ARNT: variants seen among roughly 807,000 people sequenced by gnomAD.
The protein encoded by ARNT is class E basic helix-loop-helix protein 2.
In ARNT, 30 loss-of-function variants were observed where a neutral mutation model predicts 105.0. The ratio of observed to expected loss-of-function variants is 0.29; its 90% confidence interval spans 0.21 to 0.39. ARNT has a LOEUF of 0.39. Ranked by LOEUF, ARNT falls within the 10% of genes least tolerant of loss-of-function variation. The pLI is 1.00. For synonymous variants in ARNT, 304 were observed against 344.0 expected (o/e 0.88, Z 1.29); for missense variants, 748 against 978.7 (o/e 0.76, Z 3.15).
intron 1 of ARNT, among the ~76,000 whole-genome samples, chr1:150,868,895 C>T (rs1045523053): frequency 2.0e-5 from 3 of 149,770 alleles, no homozygotes; most frequent in African/African-American, 7.4e-5. Context: ...AAGACTCCGT[C>T]TCAAAAAATA....
At chr1:150,861,301 G>T in intron 1 of ARNT, 1 of 424,968 alleles carries the variant, frequency 2.4e-6, no homozygotes, top group Non-Finnish European at 4.6e-6. Flanking sequence ...TCCAAGATCA[G>T]GCTGGGAAAC....
In ARNT at chr1:150,866,865, T is replaced by G. The variant is rs587647518; in HGVS notation, c.26-8405A>C. Among the ~76,000 whole-genome samples the G allele has an allele frequency of 1.8e-4, 28 of 152,154 alleles. No homozygotes were observed. The South Asian group carries it at 5.8e-3, about 32-fold the overall frequency. ...CAGAAAGGTAGGAAGAACAGCAGAT[T>G]TAAAGGAAATACTGGTGAGTACATA... is the stretch of plus-strand genomic sequence containing the variant. On this transcript the variant is annotated intron_variant, in intron 1 of 21. Coordinates refer to ENST00000358595, the MANE Select transcript of ARNT (RefSeq NM_001668.4).
chr1:150,850,439 G>A (rs1206033733), intron 3 of ARNT, among the ~76,000 whole-genome samples: 4 of 152,194 alleles, frequency 2.6e-5, no homozygotes, highest in African/African-American at 4.8e-5. Context: ...GCGCCGCCAC[G>A]CCTGACTGGT....
At chr1:150,849,966 C>T (rs1463268032) in intron 3 of ARNT, among the ~76,000 whole-genome samples, 2 of 152,010 alleles carry the variant, frequency 1.3e-5, no homozygotes, top group East Asian at 1.9e-4. Flanking sequence ...GCACTAGAAT[C>T]GCTTGAACCT....
At chr1:150,859,482 G>A (rs1299060562) in intron 1 of ARNT, among the ~76,000 whole-genome samples, 1 of 151,568 alleles carries the variant, frequency 6.6e-6, no homozygotes, top group African/African-American at 2.4e-5. Flanking sequence ...AAGTAGCTGG[G>A]ACTACAGATG....
At chr1:150,849,736 C>A (rs1662960070) in intron 3 of ARNT, among the ~76,000 whole-genome samples, 1 of 152,152 alleles carries the variant, frequency 6.6e-6, no homozygotes, top group Non-Finnish European at 1.5e-5. Flanking sequence ...GCACTCCAGT[C>A]TGGGTGACAG....
At chr1:150,856,935 G>A (rs1247675865) in intron 2 of ARNT, among the ~76,000 whole-genome samples, 1 of 152,126 alleles carries the variant, frequency 6.6e-6, no homozygotes, top group Non-Finnish European at 1.5e-5. Flanking sequence ...TCCAGCCAGG[G>A]TACAAGACCC....
intron 14 of ARNT, among the ~76,000 whole-genome samples, chr1:150,822,405 G>A (rs921274203): frequency 2.6e-5 from 4 of 152,108 alleles, no homozygotes; most frequent in African/African-American, 9.7e-5. Flanking sequence ...TCATGGAGGG[G>A]AGCCGGTACC....
intron 1 of ARNT, among the ~76,000 whole-genome samples, chr1:150,863,145 C>T (rs1665956447): frequency 6.6e-6 from 1 of 151,372 alleles, no homozygotes; most frequent in Non-Finnish European, 1.5e-5. Flanking sequence ...GGGTAGATCA[C>T]TTAAGGTCAA....
Position 150,811,458 on chromosome 1 carries a change from GCACACA to G in ARNT, c.*557_*562del, listed in dbSNP as rs58630631. 5 of 228,892 alleles carry G rather than the reference GCACACA, an allele frequency of 2.2e-5. No individual in the cohort carries two copies. Among genetic ancestry groups the G allele is most frequent in the Middle Eastern group, 1.3e-3 (1 of 786 alleles). The allele number at this position is 228,892 out of a possible 1,614,324, so 14.2% of individuals were successfully genotyped here. ...GAGTGAAATACAGAAGCATGTGTGC[GCACACA>G]CACACACACACACATACACACACAC... On this transcript the variant is annotated 3_prime_UTR_variant, in exon 22 of 22. Transcript: ENST00000358595.
chr1:150,855,864 CA>C lies in ARNT; in HGVS notation c.137+2484del, dbSNP rs778751264. On this transcript the variant is annotated intron_variant, in intron 2 of 21. Coordinates refer to ENST00000358595, the MANE Select transcript of ARNT (RefSeq NM_001668.4). Reference sequence around the variant, plus strand: ...AGGCTACAATGAGCCATGATCATGCCACTGCACTCCAGCCTGGGCAACAGAG... The same window carrying C: ...AGGCTACAATGAGCCATGATCATGCCCTGCACTCCAGCCTGGGCAACAGAG... Among the ~76,000 whole-genome samples the C allele has an allele frequency of 9.3e-4, 142 of 151,902 alleles. 5 individuals are homozygous for C. Among genetic ancestry groups the C allele is most frequent in the Non-Finnish European group, 1.0e-4 (7 of 67,986 alleles).
At position 150,814,150 on chromosome 1, in the gene ARNT, G is replaced by T. The variant is rs1356521208; in HGVS notation, c.2040C>A (p.Ser680=). ...GCGATGCAGTTGGGGCACCAGGGAG[G>T]GACATGGAGCTGAAGGAGGATGGAG... is the stretch of plus-strand genomic sequence containing the variant. ...FQTPSSFSSM[S]LPGAPTASPG... Residue 680 remains serine (S), a synonymous_variant, in exon 20 of 22, where the codon TCC becomes TCA. Coordinates refer to ENST00000358595, the MANE Select transcript of ARNT (RefSeq NM_001668.4). The T allele has an allele frequency of 1.7e-5, 28 of 1,614,044 alleles. No homozygotes were observed. The highest frequency in any genetic ancestry group is 2.4e-5 in the Non-Finnish European group (28 of 1,180,038).
rs1408837942 is a variant in ARNT at position 150,829,998 on chromosome 1, T to A, written c.956-18A>T. ...GGAAACACCTTCAGAAACGTGACGT[T>A]AAAAGGTTTAACGGGGACCTCCAAC... On this transcript the variant is annotated intron_variant, in intron 10 of 21. Transcript: ENST00000358595. 6.2e-7 allele frequency: 1 copy of A among 1,613,930 alleles called. No homozygotes were observed. Among genetic ancestry groups the A allele is most frequent in the Admixed American group, 1.7e-5 (1 of 60,002 alleles).
chr1:150,815,323 C>T (rs1005148968), intron 19 of ARNT, among the ~76,000 whole-genome samples: 13 of 151,618 alleles, frequency 8.6e-5, no homozygotes, highest in Non-Finnish European at 1.5e-4. Flanking sequence ...CCGAGGAGGG[C>T]GGATCACGAG....
chr1:150,854,367 GGGCAACAC>G (rs1664168519), intron 2 of ARNT, among the ~76,000 whole-genome samples: 1 of 150,592 alleles, frequency 6.6e-6, no homozygotes, highest in African/African-American at 2.4e-5. Context: ...AGACCAGCCT[GGGCAACAC>G]GGTGAAATCC....
chr1:150,873,984 T>G (rs1463778077), intron 1 of ARNT, among the ~76,000 whole-genome samples: 2 of 147,250 alleles, frequency 1.4e-5, no homozygotes, highest in Non-Finnish European at 3.0e-5. Context: ...GAGTGAAATA[T>G]TTTTTAAAAT....
At chr1:150,813,439 C>T (rs1408125967) in intron 20 of ARNT, 101 bp from the exon 21 acceptor site, 2 of 1,238,914 alleles carry the variant, frequency 1.6e-6, no homozygotes, top group African/African-American at 3.0e-5. Flanking sequence ...TTAATTTTAC[C>T]TAGGATAACT....
intron 3 of ARNT, among the ~76,000 whole-genome samples, chr1:150,851,254 G>A (rs1225313337): frequency 3.6e-5 from 5 of 138,546 alleles, no homozygotes; most frequent in African/African-American, 5.4e-5. Context: ...GGGCGCCTCC[G>A]CCCAGCCGCC....
intron 1 of ARNT, among the ~76,000 whole-genome samples, chr1:150,859,782 G>T (rs1665275445): frequency 2.6e-5 from 4 of 152,114 alleles, no homozygotes; most frequent in Admixed American, 2.6e-4. Flanking sequence ...GACCAAGGTG[G>T]GCAGATCACT....
Sources: gnomAD v4.1 joint callset for allele counts (sites outside exome capture counted in the v4.1 genomes callset) on GRCh38, gnomAD v4.1.1 for gene constraint, MANE v1.5 for transcripts, NCBI Gene and HGNC (gene_info 2026-07-23, HGNC 2026-07-21) for gene names.